Variants in TNR observed in about 807,000 individuals in gnomAD.
TNR encodes tenascin-R.
A neutral mutation model predicts 150.4 loss-of-function variants in TNR; 45 were observed. That is an observed-to-expected ratio of 0.30 (90% CI 0.24 to 0.38). The LOEUF is 0.38. Ranked by LOEUF, TNR falls within the 10% of genes least tolerant of loss-of-function variation. TNR has a pLI of 1.00. For synonymous variants in TNR, 687 were observed against 678.4 expected (o/e 1.01, Z -0.20); for missense variants, 1,544 against 1,759.1 (o/e 0.88, Z 2.19).
intron 1 of TNR, among the ~76,000 whole-genome samples, chr1:175,581,905 T>A (rs1369483145): frequency 1.3e-5 from 2 of 152,038 alleles, no homozygotes; most frequent in African/African-American, 4.8e-5. Flanking sequence ...TGATAGCACA[T>A]GTTTGGGATG....
intron 19 of TNR, among the ~76,000 whole-genome samples, chr1:175,336,378 A>G (rs575241737): frequency 3.3e-5 from 5 of 152,278 alleles, no homozygotes; most frequent in Non-Finnish European, 7.3e-5. Context: ...GAAACATAAA[A>G]GAAAATGTCT....
At chr1:175,689,772 A>G (rs535733820) in intron 1 of TNR, among the ~76,000 whole-genome samples, 1 of 152,328 alleles carries the variant, frequency 6.6e-6, no homozygotes, top group South Asian at 2.1e-4. Context: ...GGGTGAGGGA[A>G]GACTGCAGGC....
At chr1:175,728,141 G>T (rs1394821712) in intron 1 of TNR, among the ~76,000 whole-genome samples, 2 of 152,204 alleles carry the variant, frequency 1.3e-5, no homozygotes, top group African/African-American at 4.8e-5. Flanking sequence ...GTCCAGAGAG[G>T]TTTCTGCAGG....
At chr1:175,600,675 C>T (rs1279201882) in intron 1 of TNR, among the ~76,000 whole-genome samples, 1 of 152,228 alleles carries the variant, frequency 6.6e-6, no homozygotes, top group Non-Finnish European at 1.5e-5. Context: ...TGCTTTACTC[C>T]TGAAGCTATG....
chr1:175,397,281 A>C (rs1653480332), intron 4 of TNR, among the ~76,000 whole-genome samples: 1 of 152,224 alleles, frequency 6.6e-6, no homozygotes, highest in Non-Finnish European at 1.5e-5. Context: ...ACTCTACTAC[A>C]CATCTGTTTC....
At chr1:175,638,195 C>T (rs772036350) in intron 1 of TNR, among the ~76,000 whole-genome samples, 2 of 152,234 alleles carry the variant, frequency 1.3e-5, no homozygotes, top group African/African-American at 4.8e-5. Flanking sequence ...CAAGAACAAG[C>T]TTCTTTTTAT....
chr1:175,687,618 G>A (rs958915174), intron 1 of TNR, among the ~76,000 whole-genome samples: 1 of 152,032 alleles, frequency 6.6e-6, no homozygotes, highest in African/African-American at 2.4e-5. Flanking sequence ...GAAGAGAGGT[G>A]GTATGCTGAG....
At chr1:175,582,658 G>C (rs1662402489) in intron 1 of TNR, among the ~76,000 whole-genome samples, 1 of 152,192 alleles carries the variant, frequency 6.6e-6, no homozygotes, top group Non-Finnish European at 1.5e-5. Context: ...AGTAGTATCA[G>C]TGTTCTTGCC....
In TNR at chr1:175,557,156, C is replaced by A. The variant is rs796477227; in HGVS notation, c.-164-28787G>T. On this transcript the variant is annotated intron_variant, in intron 1 of 22. Coordinates refer to ENST00000367674, the MANE Select transcript of TNR (RefSeq NM_003285.3). ...AGCCAGAAGGAAATGAATTCGCTAACAACCACATGACACTGGAAGCAGACC... is the reference window on the plus strand; with the variant it reads ...AGCCAGAAGGAAATGAATTCGCTAAAAACCACATGACACTGGAAGCAGACC... Among the ~76,000 whole-genome samples the A allele has an allele frequency of 9.8e-5, 15 of 152,310 alleles. 1 individual carries two copies. Among genetic ancestry groups the A allele is most frequent in the African/African-American group, 2.9e-4 (12 of 41,572 alleles).
intron 1 of TNR, among the ~76,000 whole-genome samples, chr1:175,742,898 C>T (rs1285992420): frequency 1.3e-5 from 2 of 151,788 alleles, no homozygotes; most frequent in East Asian, 3.9e-4. Context: ...AAAGAACAGC[C>T]TTACATGGAG....
chr1:175,340,813 CT>C (rs1251857168), intron 18 of TNR, among the ~76,000 whole-genome samples: 1 of 152,182 alleles, frequency 6.6e-6, no homozygotes, highest in East Asian at 1.9e-4. Flanking sequence ...TGCCCAGATC[CT>C]TGTGGCTGTG....
intron 6 of TNR, among the ~76,000 whole-genome samples, chr1:175,393,097 T>A (rs1557904251): frequency 6.6e-6 from 1 of 152,162 alleles, no homozygotes; most frequent in Non-Finnish European, 1.5e-5. Flanking sequence ...ATTGGTAGGG[T>A]CAACAAATTC....
intron 1 of TNR, among the ~76,000 whole-genome samples, chr1:175,663,986 G>A (rs1374517752): frequency 6.6e-6 from 1 of 152,150 alleles, no homozygotes; most frequent in Non-Finnish European, 1.5e-5. Flanking sequence ...GTCCAAGTGT[G>A]GGTCCCAGGG....
At chr1:175,681,460 G>A (rs909231537) in intron 1 of TNR, among the ~76,000 whole-genome samples, 4 of 152,190 alleles carry the variant, frequency 2.6e-5, no homozygotes, top group South Asian at 2.1e-4. Context: ...GAGCAGGAGC[G>A]AGGAGTGTGG....
intron 20 of TNR, among the ~76,000 whole-genome samples, chr1:175,331,046 T>TTTCTTTCTTTCTTTCTTTCCTTC (rs1557867540): frequency 1.2e-5 from 1 of 82,898 alleles, no homozygotes; most frequent in East Asian, 4.5e-4. Context: ...TCTTTCTTTC[T>TTTCTTTCTTTCTTTCTTTCCTTC]TTCTTTCTTT....
intron 2 of TNR, among the ~76,000 whole-genome samples, chr1:175,474,719 C>T (rs898012503): frequency 6.6e-6 from 1 of 152,166 alleles, no homozygotes; most frequent in Non-Finnish European, 1.5e-5. Context: ...TTTAATGTTG[C>T]CGCTGGTAAG....
chr1:175,386,325 A>G (rs1652927852), intron 7 of TNR, 24 bp from the exon 8 acceptor site: 1 of 1,513,514 alleles, frequency 6.6e-7, no homozygotes. Flanking sequence ...ATCAAACAGA[A>G]CAAAAAGTTT....
In TNR at chr1:175,396,599, G is replaced by T; in HGVS notation, c.1185C>A (p.Val395=). ...TGAGGATGTTGCTAATGACAGCGTA[G>T]ACGCTGATGTTGTAGGTGAGACCTG... is the stretch of plus-strand genomic sequence containing the variant. ...LEPGLTYNIS[V]YAVISNILSL... The change falls in exon 5 of 23, where the codon GTC becomes GTA. Residue 395 remains valine, a synonymous_variant. Transcript: ENST00000367674. 1 of 1,614,250 alleles carries T rather than the reference G, an allele frequency of 6.2e-7. No individual in the cohort carries two copies. Among genetic ancestry groups the T allele is most frequent in the Non-Finnish European group, 8.5e-7 (1 of 1,180,048 alleles).
chr1:175,449,336 A>G (rs1872441), intron 2 of TNR, among the ~76,000 whole-genome samples: 9,808 of 152,154 alleles, frequency 0.064, 521 homozygotes, highest in East Asian at 0.25. Context: ...AAACAAACAC[A>G]CACTTGCCCA....
Sources: gnomAD v4.1 joint callset for allele counts (sites outside exome capture counted in the v4.1 genomes callset) on GRCh38, gnomAD v4.1.1 for gene constraint, MANE v1.5 for transcripts, NCBI Gene and HGNC (gene_info 2026-07-23, HGNC 2026-07-21) for gene names.